Variants in FNDC7 observed in about 807,000 individuals in gnomAD.
The protein encoded by FNDC7 is fibronectin type III domain containing 7.
Under a neutral mutation model 74.2 loss-of-function variants are expected in FNDC7, and 66 were observed. That is an observed-to-expected ratio of 0.89 (90% CI 0.73 to 1.09). The LOEUF is 1.09. Ranked by LOEUF, FNDC7 falls within the 50% of genes least tolerant of loss-of-function variation. The pLI is 0.00. For synonymous variants in FNDC7, 307 were observed against 330.2 expected (o/e 0.93, Z 0.76); for missense variants, 829 against 893.4 (o/e 0.93, Z 0.92).
At chr1:108,741,039 A>G (rs1004039293) in intron 11 of FNDC7, among the ~76,000 whole-genome samples, 9 of 152,242 alleles carry the variant, frequency 5.9e-5, no homozygotes, top group African/African-American at 1.9e-4. Context: ...GCAATTTTTC[A>G]GACTCTTCCA....
intron 7 of FNDC7, among the ~76,000 whole-genome samples, chr1:108,728,329 A>T (rs1661265877): frequency 6.6e-6 from 1 of 152,148 alleles, no homozygotes; most frequent in Admixed American, 6.6e-5. Flanking sequence ...GGTTCCTCCT[A>T]TCTTTGAGGG....
At position 108,719,051 on chromosome 1, in the gene FNDC7, T is replaced by A. The variant is rs772189454; in HGVS notation, c.598+2T>A. 1.3e-6 allele frequency: 2 copies of A among 1,551,886 alleles called. No homozygotes were observed. The highest frequency in any genetic ancestry group is 2.4e-5 in the South Asian group (2 of 84,066). Reference sequence around the variant, plus strand: ...ACTCCACCTGCAATCAGAGAACAAGTAAGAACTTCTCAGCTCAGCCTCGAA... The same window carrying A: ...ACTCCACCTGCAATCAGAGAACAAGAAAGAACTTCTCAGCTCAGCCTCGAA... On this transcript the variant is annotated splice_donor_variant, in intron 4 of 12. Coordinates refer to ENST00000370017, the MANE Select transcript of FNDC7 (RefSeq NM_001144937.3). LOFTEE classifies it high-confidence loss of function.
At position 108,718,023 on chromosome 1, in the gene FNDC7, C is replaced by T. The variant is rs778768706; in HGVS notation, c.329C>T (p.Ala110Val). The change falls in exon 3 of 13, where the codon GCA (alanine) becomes GTA (valine). Residue 110 changes from alanine (A) to valine (V), a missense_variant. By Grantham distance (64) the Ala-to-Val change is moderately conservative. Coordinates refer to ENST00000370017, the MANE Select transcript of FNDC7 (RefSeq NM_001144937.3). ...GRSQASPPKQ[A>V]KTVLAAPILE... ...AGCCAGGCGTCACCTCCAAAGCAGG[C>T]AAAGACAGGTGGCTGGATGGATGCT... 5 of 1,551,468 alleles carry T rather than the reference C, an allele frequency of 3.2e-6. No individual in the cohort carries two copies. Among genetic ancestry groups the T allele is most frequent in the Non-Finnish European group, 4.4e-6 (5 of 1,146,782 alleles).
chr1:108,721,853 G>A (rs1355107307), intron 4 of FNDC7, among the ~76,000 whole-genome samples: 1 of 152,160 alleles, frequency 6.6e-6, no homozygotes, highest in Non-Finnish European at 1.5e-5. Context: ...AAAAGTTGTA[G>A]CAGATGTCAA....
At chr1:108,736,291 A>G (rs1661512888) in intron 10 of FNDC7, among the ~76,000 whole-genome samples, 1 of 151,938 alleles carries the variant, frequency 6.6e-6, no homozygotes, top group Non-Finnish European at 1.5e-5. Context: ...CACTTCCACC[A>G]AGAGAACTCT....
At chr1:108,736,963 C>CGTTT (rs1661529929) in intron 10 of FNDC7, among the ~76,000 whole-genome samples, 1 of 99,408 alleles carries the variant, frequency 1.0e-5, no homozygotes, top group Admixed American at 1.2e-4. Flanking sequence ...GCTTGGCATT[C>CGTTT]TTTTTTTTTT....
intron 4 of FNDC7, among the ~76,000 whole-genome samples, chr1:108,720,502 A>G (rs1661070959): frequency 6.6e-6 from 1 of 152,180 alleles, no homozygotes; most frequent in South Asian, 2.1e-4. Context: ...CATGTTTTAC[A>G]AAGCTTTACA....
At chr1:108,715,229 T>C (rs958187898) in intron 2 of FNDC7, among the ~76,000 whole-genome samples, 1 of 152,200 alleles carries the variant, frequency 6.6e-6, no homozygotes, top group Non-Finnish European at 1.5e-5. Context: ...CGTGGGCTAA[T>C]TTAGATCTCT....
intron 11 of FNDC7, among the ~76,000 whole-genome samples, chr1:108,740,402 A>G (rs1296116329): frequency 1.5e-5 from 2 of 132,940 alleles, no homozygotes; most frequent in Non-Finnish European, 3.0e-5. Context: ...ATCTCAGCTC[A>G]CTGCAACCTC....
intron 2 of FNDC7, among the ~76,000 whole-genome samples, chr1:108,713,960 T>C (rs1289952835): frequency 6.6e-6 from 1 of 152,254 alleles, no homozygotes; most frequent in Non-Finnish European, 1.5e-5. Context: ...TATTCCCTAC[T>C]TTAAAAAGAA....
chr1:108,728,582 G>A, intron 7 of FNDC7, 50 bp from the exon 8 acceptor site: 1 of 1,604,980 alleles, frequency 6.2e-7, no homozygotes, highest in East Asian at 2.2e-5. Context: ...AATGGCACAT[G>A]TGATATTTTT....
At chr1:108,713,033 G>A in intron 1 of FNDC7, 37 bp downstream of exon 1, 2 of 1,515,564 alleles carry the variant, frequency 1.3e-6, no homozygotes, top group Admixed American at 2.1e-5. Context: ...AACTATTTAG[G>A]GGAAAAAAGA....
intron 5 of FNDC7, among the ~76,000 whole-genome samples, chr1:108,723,891 G>A (rs572237759): frequency 6.6e-6 from 1 of 152,334 alleles, no homozygotes; most frequent in African/African-American, 2.4e-5. Context: ...CTACTATGCA[G>A]TCAGGGTTAA....
At chr1:108,733,219 G>T in intron 9 of FNDC7, 53 bp from the exon 10 acceptor site, 1 of 1,583,002 alleles carries the variant, frequency 6.3e-7, no homozygotes, top group South Asian at 1.1e-5. Context: ...GCCATTTTTG[G>T]ATGATGGTGG....
At chr1:108,714,325 C>T (rs1365541890) in intron 2 of FNDC7, among the ~76,000 whole-genome samples, 1 of 152,168 alleles carries the variant, frequency 6.6e-6, no homozygotes, top group Non-Finnish European at 1.5e-5. Context: ...GATACAGATA[C>T]ATGTCTGAGC....
At chr1:108,726,059 C>T in intron 6 of FNDC7, 55 bp downstream of exon 6, 1 of 1,584,044 alleles carries the variant, frequency 6.3e-7, no homozygotes, top group Non-Finnish European at 8.6e-7. Context: ...ACCTCAGCAG[C>T]AGAATGGATC....
intron 2 of FNDC7, 107 bp downstream of exon 2, chr1:108,713,636 T>A (rs1175445830): frequency 2.0e-6 from 2 of 1,001,766 alleles, no homozygotes; most frequent in African/African-American, 1.6e-5. Flanking sequence ...GAAAAAAAAA[T>A]TCAATATTTT....
At chr1:108,720,898 A>T (rs1399871777) in intron 4 of FNDC7, among the ~76,000 whole-genome samples, 1 of 152,246 alleles carries the variant, frequency 6.6e-6, no homozygotes, top group South Asian at 2.1e-4. Flanking sequence ...AAGAACTTCA[A>T]CATATGAACT....
chr1:108,720,734 TC>T (rs1461385548), intron 4 of FNDC7, among the ~76,000 whole-genome samples: 2 of 152,194 alleles, frequency 1.3e-5, no homozygotes, highest in African/African-American at 2.4e-5. Context: ...CATGGAATTT[TC>T]CCTATATATG....
Sources: gnomAD v4.1 joint callset for allele counts (sites outside exome capture counted in the v4.1 genomes callset) on GRCh38, gnomAD v4.1.1 for gene constraint, MANE v1.5 for transcripts, NCBI Gene and HGNC (gene_info 2026-07-23, HGNC 2026-07-21) for gene names.